CSMD1: variants seen among roughly 807,000 people sequenced by gnomAD.
CSMD1 encodes the protein CUB and sushi domain-containing protein 1.
CSMD1 carries 213 observed loss-of-function variants against 417.5 expected under a neutral mutation model. The ratio of observed to expected loss-of-function variants is 0.51; its 90% CI spans 0.46 to 0.57. The LOEUF is 0.57. CSMD1 is among the 20% of genes least tolerant of loss of function. The pLI is 0.00. For missense variants in CSMD1, 6,923 were observed against 4,529.7 expected (o/e 1.53, Z -15.17); for synonymous variants, 2,862 against 1,736.8 (o/e 1.65, Z -16.11).
At chr8:4,258,096 A>T (rs534622645) in intron 3 of CSMD1, among the ~76,000 whole-genome samples, 1 of 151,520 alleles carries the variant, frequency 6.6e-6, no homozygotes, top group Non-Finnish European at 1.5e-5. Context: ...GGCCCGTGCT[A>T]CCATTCCCGG....
intron 23 of CSMD1, among the ~76,000 whole-genome samples, chr8:3,338,100 C>G (rs1485424531): frequency 6.6e-6 from 1 of 152,142 alleles, no homozygotes; most frequent in African/African-American, 2.4e-5. Flanking sequence ...AAAATAAATG[C>G]AAATACAAAA....
chr8:4,321,032 A>G (rs1407260133), intron 3 of CSMD1, among the ~76,000 whole-genome samples: 4 of 151,852 alleles, frequency 2.6e-5, no homozygotes, highest in Admixed American at 6.6e-5. Context: ...ACACATTCAT[A>G]TTTTCACATT....
At chr8:4,586,523 A>C (rs1585291047) in intron 2 of CSMD1, among the ~76,000 whole-genome samples, 1 of 152,174 alleles carries the variant, frequency 6.6e-6, no homozygotes, top group African/African-American at 2.4e-5. Context: ...CAGCTTGGCA[A>C]TTTTCCAGGA....
At chr8:4,530,690 G>A (rs1796766879) in intron 2 of CSMD1, among the ~76,000 whole-genome samples, 1 of 150,598 alleles carries the variant, frequency 6.6e-6, no homozygotes, top group South Asian at 2.1e-4. Context: ...CTTTTTTAGG[G>A]CTGCATAGTG....
At chr8:4,803,516 C>T (rs1054313714) in intron 1 of CSMD1, among the ~76,000 whole-genome samples, 17 of 152,090 alleles carry the variant, frequency 1.1e-4, no homozygotes, top group African/African-American at 3.9e-4. Context: ...TTCAACAGAC[C>T]AGAACTACCA....
intron 9 of CSMD1, among the ~76,000 whole-genome samples, chr8:3,584,904 G>A (rs1198143729): frequency 1.3e-5 from 2 of 152,162 alleles, no homozygotes; most frequent in African/African-American, 4.8e-5. Flanking sequence ...GCTCTTTGAA[G>A]TGCTTAAGGG....
intron 1 of CSMD1, among the ~76,000 whole-genome samples, chr8:4,675,635 T>G (rs1805634419): frequency 1.3e-5 from 2 of 152,304 alleles, no homozygotes; most frequent in Admixed American, 6.5e-5. Flanking sequence ...ATAAAAAAAG[T>G]AAGCAGGATA....
chr8:3,801,754 T>A (rs1209059490), intron 5 of CSMD1, among the ~76,000 whole-genome samples: 1 of 152,122 alleles, frequency 6.6e-6, no homozygotes, highest in Non-Finnish European at 1.5e-5. Context: ...CTGGACAAAC[T>A]AATATAGCAT....
intron 20 of CSMD1, among the ~76,000 whole-genome samples, chr8:3,364,564 A>G (rs1215683763): frequency 6.6e-6 from 1 of 152,236 alleles, no homozygotes; most frequent in African/African-American, 2.4e-5. Flanking sequence ...TGTGTTACCC[A>G]AAATCCATGT....
At chr8:3,132,786 G>A (rs7837133) in intron 41 of CSMD1, among the ~76,000 whole-genome samples, 1 of 152,028 alleles carries the variant, frequency 6.6e-6, no homozygotes, top group South Asian at 2.1e-4. Context: ...CCACTACTCT[G>A]GAGAAGCCCA....
intron 26 of CSMD1, among the ~76,000 whole-genome samples, chr8:3,258,361 G>A (rs1800810857): frequency 6.6e-6 from 1 of 152,102 alleles, no homozygotes; most frequent in Non-Finnish European, 1.5e-5. Flanking sequence ...ATCACTGATC[G>A]TTAGAGAAAT....
At chr8:4,545,947 G>C (rs545562304) in intron 2 of CSMD1, among the ~76,000 whole-genome samples, 1 of 152,142 alleles carries the variant, frequency 6.6e-6, no homozygotes, top group African/African-American at 2.4e-5. Context: ...TTCTCAGAAA[G>C]AAACTTTCTC....
At chr8:3,896,030 G>T (rs1027713081) in intron 5 of CSMD1, among the ~76,000 whole-genome samples, 1 of 152,310 alleles carries the variant, frequency 6.6e-6, no homozygotes, top group East Asian at 1.9e-4. Flanking sequence ...GAAAAAGAAA[G>T]GAAGAAATGA....
chr8:4,549,189 G>C (rs769142795), intron 2 of CSMD1, among the ~76,000 whole-genome samples: 3 of 151,986 alleles, frequency 2.0e-5, no homozygotes, highest in African/African-American at 7.3e-5. Flanking sequence ...CAGCTGACTT[G>C]ATTTCTGGAA....
intron 2 of CSMD1, among the ~76,000 whole-genome samples, chr8:4,514,234 G>C (rs1802992206): frequency 6.6e-6 from 1 of 152,068 alleles, no homozygotes; most frequent in Non-Finnish European, 1.5e-5. Context: ...GTTTCCTCTG[G>C]TGTCTGTGCT....
At chr8:4,319,460 C>G (rs1455095520) in intron 3 of CSMD1, among the ~76,000 whole-genome samples, 1 of 152,120 alleles carries the variant, frequency 6.6e-6, no homozygotes, top group Non-Finnish European at 1.5e-5. Flanking sequence ...ATAATAGCTA[C>G]TCCTTCTTAA....
chr8:4,210,217 T>G lies in CSMD1; in HGVS notation c.416-178118A>C, dbSNP rs140474068. The stretch of plus-strand genomic sequence containing the variant: ...CCTTCACTCCCTCCCCAAGCCAGCA[T>G]GCTGGGCATGACTTTCTCACAGGAG... On this transcript the variant is annotated intron_variant, in intron 3 of 69. Coordinates refer to ENST00000635120, the MANE Select transcript of CSMD1 (RefSeq NM_033225.6). 9.2e-5 allele frequency among the ~76,000 whole-genome samples: 14 copies of G among 152,310 alleles called. No individual in the cohort carries two copies. The East Asian group carries it at 2.5e-3, about 27-fold the overall frequency.
intron 1 of CSMD1, among the ~76,000 whole-genome samples, chr8:4,788,843 A>G (rs1285803224): frequency 6.6e-6 from 1 of 152,216 alleles, no homozygotes; most frequent in Non-Finnish European, 1.5e-5. Flanking sequence ...AATTTATGAC[A>G]CAGAAACTCT....
At chr8:4,661,300 C>T (rs996840687) in intron 1 of CSMD1, among the ~76,000 whole-genome samples, 2 of 152,104 alleles carry the variant, frequency 1.3e-5, no homozygotes, top group African/African-American at 4.8e-5. Flanking sequence ...ACGACAATAA[C>T]AACAAATAAA....
Sources: gnomAD v4.1 joint callset for allele counts (sites outside exome capture counted in the v4.1 genomes callset) on GRCh38, gnomAD v4.1.1 for gene constraint, MANE v1.5 for transcripts, NCBI Gene and HGNC (gene_info 2026-07-23, HGNC 2026-07-21) for gene names.